OVCH1: variants seen among roughly 807,000 people sequenced by gnomAD.
OVCH1 encodes the protein ovochymase-1.
Under a neutral mutation model 138.4 loss-of-function variants are expected in OVCH1, and 139 were observed. The observed-to-expected ratio is 1.00, with a 90% confidence interval of 0.87 to 1.16. OVCH1 has a LOEUF of 1.16. Ranked by LOEUF, OVCH1 falls within the 50% of genes most tolerant of loss-of-function variation. The pLI is 0.00. For missense variants in OVCH1, 1,367 were observed against 1,357.9 expected, an observed-to-expected ratio of 1.01 and a Z score of -0.11; for synonymous variants, 453 against 467.8, an observed-to-expected ratio of 0.97 and a Z score of 0.41.
At chr12:29,420,841 T>G (rs1941093274) in intron 3 of OVCH1, among the ~76,000 whole-genome samples, 2 of 152,250 alleles carry the variant, frequency 1.3e-5, no homozygotes, top group South Asian at 4.1e-4. Flanking sequence ...AATGAAAAAC[T>G]ATTAGTGGTA....
At chr12:29,403,584 C>G in the OVCH1 span, among the ~76,000 whole-genome samples, 5 of 152,158 alleles carry the variant, frequency 3.3e-5, no homozygotes, top group African/African-American at 1.2e-4. Context: ...CTCCCTGATT[C>G]TTGGCTACAG....
chr12:29,440,622 G>A (rs893282296), intron 25 of OVCH1: 17 of 423,832 alleles, frequency 4.0e-5, no homozygotes, highest in African/African-American at 2.7e-4. Context: ...GTTCTGTAGG[G>A]CAAGAAAGAT....
intron 3 of OVCH1, among the ~76,000 whole-genome samples, chr12:29,414,488 T>G (rs576452191): frequency 1.3e-5 from 2 of 152,166 alleles, no homozygotes; most frequent in African/African-American, 4.8e-5. Flanking sequence ...TTCCAGAAAA[T>G]AAATCTGTGC....
At chr12:29,441,065 A>T (rs571167565) in intron 25 of OVCH1, among the ~76,000 whole-genome samples, 1 of 152,134 alleles carries the variant, frequency 6.6e-6, no homozygotes, top group African/African-American at 2.4e-5. Flanking sequence ...TCTTAGAAAG[A>T]TTTGAGATAA....
At chr12:29,477,802 A>G (rs1313599142) in intron 9 of OVCH1, among the ~76,000 whole-genome samples, 2 of 152,218 alleles carry the variant, frequency 1.3e-5, no homozygotes, top group African/African-American at 2.4e-5. Flanking sequence ...CCCTGTTCTA[A>G]TGGCATTTCC....
chr12:29,487,437 C>T (rs1029325262), intron 7 of OVCH1: 2 of 358,460 alleles, frequency 5.6e-6, no homozygotes, highest in Non-Finnish European at 9.9e-6. Context: ...TGAGTCTATT[C>T]TCAAGGTCTA....
At chr12:29,454,990 G>T in intron 20 of OVCH1, 57 bp from the exon 21 acceptor site, 1 of 1,428,382 alleles carries the variant, frequency 7.0e-7, no homozygotes, top group Non-Finnish European at 9.7e-7. Flanking sequence ...ACAAAATATA[G>T]TGGGCACTAA....
chr12:29,476,790 C>G (rs1180856929), intron 12 of OVCH1, among the ~76,000 whole-genome samples: 1 of 138,684 alleles, frequency 7.2e-6, no homozygotes, highest in Non-Finnish European at 1.6e-5. Flanking sequence ...CACACACACA[C>G]ACACACACAC....
At chr12:29,427,574 A>C in exon 28 of OVCH1, 8 of 1,551,518 alleles carry the variant, frequency 5.2e-6, no homozygotes, top group Non-Finnish European at 7.0e-6. Flanking sequence ...GCTGTGCCTA[A>C]GAACCAGAAA....
rs1202454502 is a variant in OVCH1, at chr12:29,465,858, C to T, written c.1857-639G>A. On this transcript the variant is annotated intron_variant, in intron 16 of 27. Transcript: ENST00000318184. The stretch of plus-strand genomic sequence containing the variant: ...ACTTGGAACCAACCCAAACATCCAT[C>T]AATGATAGACTGGATTAAGAAAATG... 3.3e-5 allele frequency among the ~76,000 whole-genome samples: 5 copies of T among 152,024 alleles called. No homozygotes were observed. The South Asian group carries it at 6.2e-4, about 19-fold the overall frequency.
At chr12:29,431,518 G>A (rs919913327) in intron 27 of OVCH1, among the ~76,000 whole-genome samples, 12 of 152,046 alleles carry the variant, frequency 7.9e-5, no homozygotes, top group African/African-American at 2.9e-4. Flanking sequence ...TTTCTATGCT[G>A]TATATGTTTA....
intron 27 of OVCH1, among the ~76,000 whole-genome samples, chr12:29,429,147 T>G (rs534481404): frequency 3.3e-5 from 5 of 152,306 alleles, no homozygotes; most frequent in Non-Finnish European, 7.4e-5. Flanking sequence ...CCATCTATAT[T>G]ATGAGTATAA....
chr12:29,488,901 A>G (rs1943196074), intron 6 of OVCH1, among the ~76,000 whole-genome samples: 1 of 152,166 alleles, frequency 6.6e-6, no homozygotes, highest in African/African-American at 2.4e-5. Context: ...GTACGTTTCA[A>G]TCTCCTCCCT....
intron 8 of OVCH1, among the ~76,000 whole-genome samples, chr12:29,483,897 C>T (rs75031040): frequency 6.6e-6 from 1 of 152,318 alleles, no homozygotes; most frequent in African/African-American, 2.4e-5. Context: ...TCCACACATA[C>T]CTTAAAAACC....
At chr12:29,475,088 T>C (rs1942656664) in exon 14 of OVCH1, 1 of 1,583,048 alleles carries the variant, frequency 6.3e-7, no homozygotes, top group Non-Finnish European at 8.6e-7. Context: ...AATCTGGCCT[T>C]GAAGCCTTGT....
intron 13 of OVCH1, among the ~76,000 whole-genome samples, 190 bp from the exon 14 acceptor site, chr12:29,475,379 C>T (rs1423406694): frequency 6.6e-6 from 1 of 151,886 alleles, no homozygotes; most frequent in Admixed American, 6.6e-5. Flanking sequence ...ATTTTAATTG[C>T]ACAGAAAAAG....
chr12:29,406,574 T>C, the OVCH1 span, among the ~76,000 whole-genome samples: 52,765 of 149,448 alleles, frequency 0.35, 9,439 homozygotes, highest in Admixed American at 0.48. Context: ...TTTGTTCTTG[T>C]GATAGTTTAC....
chr12:29,489,698 G>C, exon 6 of OVCH1: 1 of 1,610,300 alleles, frequency 6.2e-7, no homozygotes, highest in Non-Finnish European at 8.5e-7. Flanking sequence ...TCATGCTCTT[G>C]AGCACAGTAT....
Position 29,477,100 on chromosome 12 carries a change from A to G in OVCH1, c.1377+2T>C, listed in dbSNP as rs556671003. On this transcript the variant is annotated splice_donor_variant, in intron 12 of 27. Coordinates refer to ENST00000318184, the Ensembl canonical transcript of OVCH1. LOFTEE classifies it high-confidence loss of function. Reference sequence around the variant, plus strand: ...AGGTAGAGCGATTCCTCAGTTGCCTACCTTTATAATGTGCTTCTCTGGAGC... The same window carrying G: ...AGGTAGAGCGATTCCTCAGTTGCCTGCCTTTATAATGTGCTTCTCTGGAGC... 5 of 1,600,232 alleles carry G rather than the reference A, an allele frequency of 3.1e-6. No homozygotes were observed. The highest frequency in any genetic ancestry group is 1.3e-5 in the African/African-American group (1 of 74,762).
Sources: allele counts gnomAD v4.1 joint callset (sites outside exome capture counted in the v4.1 genomes callset), GRCh38; gene constraint gnomAD v4.1.1; transcripts MANE v1.5; gene names NCBI Gene and HGNC (gene_info 2026-07-23, HGNC 2026-07-21).